The following VPS8 variants were observed in gnomAD, a reference collection of about 807,000 sequenced individuals.
The protein encoded by VPS8 is vacuolar protein sorting-associated protein 8 homolog.
Under a neutral mutation model 216.4 loss-of-function variants are expected in VPS8, and 129 were observed. The ratio of observed to expected loss-of-function variants is 0.60; its 90% CI spans 0.52 to 0.69. The LOEUF (loss-of-function observed/expected upper bound fraction) is 0.69, where lower values mean the gene tolerates loss of function less well. Among genes scored for constraint, VPS8 ranks in the 30% least tolerant of loss-of-function variants. VPS8 has a pLI of 0.00. For synonymous variants in VPS8, 571 were observed against 565.4 expected (o/e 1.01, Z -0.14); for missense variants, 1,531 against 1,683.5 (o/e 0.91, Z 1.59).
intron 37 of VPS8, among the ~76,000 whole-genome samples, chr3:184,960,147 G>A (rs1746275084): frequency 6.6e-6 from 1 of 152,148 alleles, no homozygotes; most frequent in Non-Finnish European, 1.5e-5. Context: ...CTTCATCCAT[G>A]TCCCTACAAA....
chr3:184,918,721 T>A (rs1240761965), intron 28 of VPS8, among the ~76,000 whole-genome samples: 2 of 152,202 alleles, frequency 1.3e-5, no homozygotes, highest in African/African-American at 4.8e-5. Context: ...TGGTTTTGTA[T>A]TTTAGTTGAA....
intron 24 of VPS8, 88 bp downstream of exon 24, chr3:184,898,742 T>A: frequency 9.8e-7 from 1 of 1,019,554 alleles, no homozygotes; most frequent in Non-Finnish European, 1.4e-6. Context: ...TAGTTTCTAG[T>A]TTTATCCAAT....
At chr3:184,996,601 G>C in intron 44 of VPS8, 100 bp downstream of exon 44, 1 of 1,347,974 alleles carries the variant, frequency 7.4e-7, no homozygotes, top group Non-Finnish European at 1.0e-6. Flanking sequence ...TTCTAGCAGT[G>C]AACGTGATAG....
chr3:184,985,346 T>A (rs940588941), intron 42 of VPS8, among the ~76,000 whole-genome samples: 2 of 152,152 alleles, frequency 1.3e-5, no homozygotes, highest in African/African-American at 4.8e-5. Flanking sequence ...TCATGTGAGC[T>A]TTTTTTATTT....
intron 25 of VPS8, among the ~76,000 whole-genome samples, chr3:184,905,934 A>G (rs1388963901): frequency 6.6e-6 from 1 of 152,150 alleles, no homozygotes; most frequent in African/African-American, 2.4e-5. Flanking sequence ...TAGTGGGAGT[A>G]AAATTGGTTC....
At chr3:184,908,368 G>A (rs1389504911) in intron 25 of VPS8, among the ~76,000 whole-genome samples, 1 of 152,216 alleles carries the variant, frequency 6.6e-6, no homozygotes, top group Non-Finnish European at 1.5e-5. Flanking sequence ...CCTTGTGGGA[G>A]GGAGCACATG....
intron 17 of VPS8, 127 bp downstream of exon 17, chr3:184,867,077 T>A: frequency 2.6e-6 from 2 of 760,328 alleles, no homozygotes; most frequent in Non-Finnish European, 4.1e-6. Flanking sequence ...CTAAACCCTT[T>A]GTGGTTAGGT....
chr3:184,820,993 C>T (rs941856761), intron 1 of VPS8, among the ~76,000 whole-genome samples: 2 of 152,226 alleles, frequency 1.3e-5, no homozygotes, highest in African/African-American at 2.4e-5. Flanking sequence ...ATATGCTTAG[C>T]ACTGGCTAGA....
chr3:185,033,321 T>C (rs1758435907), intron 46 of VPS8, among the ~76,000 whole-genome samples: 1 of 152,212 alleles, frequency 6.6e-6, no homozygotes, highest in African/African-American at 2.4e-5. Flanking sequence ...CGGTAACTAC[T>C]AATCTTTTTA....
At chr3:185,015,253 T>C (rs559049865) in intron 45 of VPS8, among the ~76,000 whole-genome samples, 35 of 152,340 alleles carry the variant, frequency 2.3e-4, no homozygotes, top group African/African-American at 7.9e-4. Context: ...TCCCTGCAGT[T>C]AATGGTCCTG....
chr3:185,040,204 G>T (rs541245036), intron 46 of VPS8, among the ~76,000 whole-genome samples: 2 of 152,238 alleles, frequency 1.3e-5, no homozygotes, highest in South Asian at 4.1e-4. Flanking sequence ...ATCTCAACAC[G>T]AGTGTTGGAG....
intron 29 of VPS8, 74 bp downstream of exon 29, chr3:184,920,272 A>G: frequency 9.9e-7 from 1 of 1,011,522 alleles, no homozygotes; most frequent in Non-Finnish European, 1.4e-6. Context: ...ATAGCAGGTT[A>G]TAAAATAATC....
chr3:184,846,716 A>G (rs1044279553), intron 8 of VPS8, among the ~76,000 whole-genome samples: 36 of 152,234 alleles, frequency 2.4e-4, no homozygotes, highest in African/African-American at 8.2e-4. Context: ...TACCAGCTCT[A>G]TCTTTGTCCT....
At chr3:184,866,258 G>A (rs929788433) in intron 16 of VPS8, among the ~76,000 whole-genome samples, 14 of 152,184 alleles carry the variant, frequency 9.2e-5, no homozygotes, top group African/African-American at 3.4e-4. Flanking sequence ...CAACATGGAT[G>A]AATCTTAAAC....
intron 46 of VPS8, among the ~76,000 whole-genome samples, chr3:185,045,441 T>G (rs1454143505): frequency 1.3e-5 from 2 of 152,130 alleles, no homozygotes; most frequent in Non-Finnish European, 2.9e-5. Flanking sequence ...CAGTGGATCA[T>G]GGTTGTTTTC....
At chr3:184,997,452 C>T (rs576945510) in intron 44 of VPS8, among the ~76,000 whole-genome samples, 1 of 152,342 alleles carries the variant, frequency 6.6e-6, no homozygotes, top group Non-Finnish European at 1.5e-5. Flanking sequence ...CTGAGTGTTA[C>T]ATCTGCAGGA....
intron 44 of VPS8, among the ~76,000 whole-genome samples, chr3:184,999,238 T>C (rs1468385623): frequency 6.6e-6 from 1 of 152,174 alleles, no homozygotes; most frequent in Non-Finnish European, 1.5e-5. Flanking sequence ...TTTGTATTTT[T>C]AGTAGAGACG....
intron 42 of VPS8, among the ~76,000 whole-genome samples, chr3:184,993,429 A>C (rs1055474969): frequency 2.0e-5 from 3 of 152,018 alleles, no homozygotes; most frequent in Non-Finnish European, 2.9e-5. Flanking sequence ...GGCATACCTC[A>C]TATGAAATGC....
chr3:184,825,650 C>G (rs909926140), intron 2 of VPS8, among the ~76,000 whole-genome samples: 1 of 152,176 alleles, frequency 6.6e-6, no homozygotes, highest in South Asian at 2.1e-4. Context: ...GCCTGTGATT[C>G]CAGCACTTTA....
Sources: allele counts gnomAD v4.1 joint callset (sites outside exome capture counted in the v4.1 genomes callset), GRCh38; gene constraint gnomAD v4.1.1; transcripts MANE v1.5; gene names NCBI Gene and HGNC (gene_info 2026-07-23, HGNC 2026-07-21).